PTP4A1: variants seen among roughly 807,000 people sequenced by gnomAD.
The protein encoded by PTP4A1 is protein tyrosine phosphatase type IVA 1.
In PTP4A1, 9 loss-of-function variants were observed where a neutral mutation model predicts 20.5. The ratio of observed to expected loss-of-function variants is 0.44; its 90% CI spans 0.26 to 0.77. PTP4A1 has a LOEUF of 0.77. Among genes scored for constraint, PTP4A1 ranks in the 30% least tolerant of loss-of-function variants. The pLI, the probability that PTP4A1 is intolerant of heterozygous loss-of-function variation, is 0.19. For synonymous variants in PTP4A1, 78 were observed against 67.4 expected, an observed-to-expected ratio of 1.16 and a Z score of -0.77; for missense variants, 137 against 218.8, an observed-to-expected ratio of 0.63 and a Z score of 2.36.
At position 63,583,306 on chromosome 6, in the gene PTP4A1, TTAAA is replaced by T. The variant is rs1778365832; in HGVS notation, c.*3134_*3137del. 6.6e-6 allele frequency: 1 copy of T among 152,242 alleles called. No homozygotes were observed. The highest frequency in any genetic ancestry group is 2.4e-5 in the African/African-American group (1 of 41,462). 9.4% of individuals were successfully genotyped at this position (152,242 alleles called of 1,614,324 possible). On this transcript the variant is annotated 3_prime_UTR_variant, in exon 6 of 6. Coordinates refer to ENST00000626021, the MANE Select transcript of PTP4A1 (RefSeq NM_003463.5). ...GTTAATATTCTACATTCTTGCTTCC[TTAAA>T]TTAATATGTTTGTGTGTATATATGT...
At chr6:63,545,848 T>C (rs1209471887) in intron 2 of PTP4A1, among the ~76,000 whole-genome samples, 1 of 152,000 alleles carries the variant, frequency 6.6e-6, no homozygotes, top group Non-Finnish European at 1.5e-5. Flanking sequence ...ATGAGAAACC[T>C]GGTTCTAAGA....
chr6:63,531,127 T>A (rs1775440159), intron 2 of PTP4A1, among the ~76,000 whole-genome samples: 1 of 152,166 alleles, frequency 6.6e-6, no homozygotes, highest in African/African-American at 2.4e-5. Context: ...GTCTCCAAAG[T>A]CCTCTCAGTT....
intron 2 of PTP4A1, among the ~76,000 whole-genome samples, chr6:63,549,783 A>G (rs890753758): frequency 6.6e-6 from 1 of 152,164 alleles, no homozygotes; most frequent in South Asian, 2.1e-4. Context: ...AGTAAAAAGT[A>G]GAACAGGGTA....
Position 63,572,733 on chromosome 6 carries a change from G to A in PTP4A1, c.-446+14G>A, listed in dbSNP as rs964912160. ...AAACATATTCCTGTGAGTAGCCGTC[G>A]CATCGTCGCCTCTCGGGCTGGGAAT... is the stretch of plus-strand genomic sequence containing the variant. On this transcript the variant is annotated intron_variant, in intron 1 of 5. Coordinates refer to ENST00000626021, the MANE Select transcript of PTP4A1 (RefSeq NM_003463.5). The A allele has an allele frequency of 2.0e-5, 8 of 398,272 alleles. No homozygotes were observed. The highest frequency in any genetic ancestry group is 4.4e-5 in the Admixed American group (1 of 22,678). The allele number at this position is 398,272 out of a possible 1,614,324, so 24.7% of individuals were successfully genotyped here.
intron 2 of PTP4A1, among the ~76,000 whole-genome samples, chr6:63,540,542 A>C (rs1026089781): frequency 3.3e-5 from 5 of 151,908 alleles, no homozygotes; most frequent in Admixed American, 1.3e-4. Context: ...AATCGCTTGA[A>C]CCCAGGAGGC....
At chr6:63,529,094 T>A (rs1442390662) in intron 2 of PTP4A1, among the ~76,000 whole-genome samples, 1 of 148,928 alleles carries the variant, frequency 6.7e-6, no homozygotes, top group African/African-American at 2.5e-5. Context: ...CATCTCAAAA[T>A]ATATATATGT....
upstream of PTP4A1, chr6:63,571,541 A>C (rs1459358163): frequency 8.5e-5 from 13 of 152,356 alleles, no homozygotes; most frequent in Non-Finnish European, 1.5e-5. Context: ...AAACGAACAT[A>C]AAGAAGAGCT....
At chr6:63,523,932 C>CT (rs1417619920) in intron 1 of PTP4A1, among the ~76,000 whole-genome samples, 1 of 151,838 alleles carries the variant, frequency 6.6e-6, no homozygotes, top group East Asian at 1.9e-4. Context: ...TAAGGTATGA[C>CT]TATATAAACA....
chr6:63,579,834 C>G (rs944268872), intron 5 of PTP4A1, among the ~76,000 whole-genome samples: 15 of 152,142 alleles, frequency 9.9e-5, no homozygotes, highest in Admixed American at 1.3e-4. Context: ...TGTGAGTCGA[C>G]TGTTGTAACC....
At chr6:63,559,833 C>T (rs1195108307) in intron 3 of PTP4A1, among the ~76,000 whole-genome samples, 1 of 152,084 alleles carries the variant, frequency 6.6e-6, no homozygotes, top group Non-Finnish European at 1.5e-5. Context: ...GGCAGGTTTG[C>T]CCAGGCTGGT....
chr6:63,572,726 AG>A lies in PTP4A1; in HGVS notation c.-446+8del, dbSNP rs1381189392. 2.5e-6 allele frequency: 1 copy of A among 398,344 alleles called. No homozygotes were observed. Among genetic ancestry groups the A allele is most frequent in the Non-Finnish European group, 4.4e-6 (1 of 225,674 alleles). 24.7% of individuals were successfully genotyped at this position (398,344 alleles called of 1,614,324 possible). On this transcript the variant is annotated splice_region_variant and intron_variant, in intron 1 of 5. Coordinates refer to ENST00000626021, the MANE Select transcript of PTP4A1 (RefSeq NM_003463.5). ...AATGAGTAAACATATTCCTGTGAGT[AG>A]CCGTCGCATCGTCGCCTCTCGGGCT... is the stretch of plus-strand genomic sequence containing the variant.
At chr6:63,542,800 T>A (rs1176958768) in intron 2 of PTP4A1, among the ~76,000 whole-genome samples, 1 of 152,110 alleles carries the variant, frequency 6.6e-6, no homozygotes, top group East Asian at 1.9e-4. Flanking sequence ...TCCTTTCCAT[T>A]GCTCTATATG....
chr6:63,569,563 T>C (rs1305685404), upstream of PTP4A1, among the ~76,000 whole-genome samples: 1 of 152,246 alleles, frequency 6.6e-6, no homozygotes, highest in Non-Finnish European at 1.5e-5. Flanking sequence ...TATGCCACCA[T>C]GCTCAACTTC....
At chr6:63,552,386 T>C (rs926205998) in intron 3 of PTP4A1, among the ~76,000 whole-genome samples, 2 of 152,188 alleles carry the variant, frequency 1.3e-5, no homozygotes, top group African/African-American at 4.8e-5. Flanking sequence ...GGGTTGTTTG[T>C]TTTTTTCTTG....
chr6:63,542,426 T>TAA (rs371701345), intron 2 of PTP4A1, among the ~76,000 whole-genome samples: 1 of 144,320 alleles, frequency 6.9e-6, no homozygotes, highest in Non-Finnish European at 1.5e-5. Context: ...CCTATGGAAA[T>TAA]AAAAAAAAAA....
chr6:63,549,184 CT>C (rs1776329347), intron 2 of PTP4A1: 1 of 688,548 alleles, frequency 1.5e-6, no homozygotes, highest in Admixed American at 2.2e-5. Context: ...TGTTTCTTCT[CT>C]TGCTTAGTCT....
chr6:63,534,452 AACACACACAC>A lies in PTP4A1; in HGVS notation c.-640+6393_-640+6402del, dbSNP rs61533550. ...GAAGCCATCACCACACACACAGAGA[AACACACACAC>A]ACACACACACACACACACACACACC... On this transcript the variant is annotated intron_variant, in intron 2 of 3. Transcript: ENST00000639568. Among the ~76,000 whole-genome samples, 712 of 144,506 alleles carry A rather than the reference AACACACACAC, an allele frequency of 4.9e-3. 7 individuals carry two copies. Among genetic ancestry groups the A allele is most frequent in the Non-Finnish European group, 5.4e-3 (356 of 65,562 alleles). 94.8% of individuals were successfully genotyped at this position (144,506 alleles called of 152,430 possible).
At chr6:63,540,801 A>G (rs984926845) in intron 2 of PTP4A1, among the ~76,000 whole-genome samples, 1 of 151,724 alleles carries the variant, frequency 6.6e-6, no homozygotes, top group African/African-American at 2.4e-5. Flanking sequence ...CCCCGTCTCT[A>G]CTAGGACCAA....
chr6:63,545,849 G>A (rs909301191), intron 2 of PTP4A1, among the ~76,000 whole-genome samples: 10 of 151,472 alleles, frequency 6.6e-5, no homozygotes, highest in Admixed American at 1.3e-4. Flanking sequence ...TGAGAAACCT[G>A]GTTCTAAGAA....
Sources: allele counts gnomAD v4.1 joint callset (sites outside exome capture counted in the v4.1 genomes callset), GRCh38; gene constraint gnomAD v4.1.1; transcripts MANE v1.5; gene names NCBI Gene and HGNC (gene_info 2026-07-23, HGNC 2026-07-21).